KCNK9: variants seen among roughly 807,000 people sequenced by gnomAD.
KCNK9 encodes the protein potassium two pore domain channel subfamily K member 9.
A neutral mutation model predicts 10.8 loss-of-function variants in KCNK9; 1 was observed. That is an observed-to-expected ratio of 0.09 (90% CI 0.03 to 0.44). The LOEUF (loss-of-function observed/expected upper bound fraction) is 0.44, where lower values mean the gene tolerates loss of function less well. Ranked by LOEUF, KCNK9 falls within the 20% of genes least tolerant of loss-of-function variation. The pLI is 0.97. For missense variants in KCNK9, 303 were observed against 515.0 expected (o/e 0.59, Z 3.98); for synonymous variants, 231 against 222.7 (o/e 1.04, Z -0.33).
intron 1 of KCNK9, among the ~76,000 whole-genome samples, chr8:139,662,709 C>CA (rs1816189448): frequency 6.6e-6 from 1 of 152,022 alleles, no homozygotes; most frequent in Admixed American, 6.6e-5. Flanking sequence ...ATTTTCAACC[C>CA]AACTCCATAT....
At chr8:139,634,965 G>A (rs922350526) in intron 1 of KCNK9, among the ~76,000 whole-genome samples, 7 of 152,274 alleles carry the variant, frequency 4.6e-5, no homozygotes, top group Middle Eastern at 3.4e-3. Flanking sequence ...GCTGTGGTGC[G>A]AGGCGTCTAG....
chr8:139,650,724 C>T (rs1815837315), intron 1 of KCNK9, among the ~76,000 whole-genome samples: 1 of 152,158 alleles, frequency 6.6e-6, no homozygotes, highest in Non-Finnish European at 1.5e-5. Flanking sequence ...ACCACACACC[C>T]CTGAGAAATG....
intron 1 of KCNK9, among the ~76,000 whole-genome samples, chr8:139,678,710 T>C (rs902859821): frequency 2.0e-5 from 3 of 152,234 alleles, no homozygotes; most frequent in Admixed American, 6.5e-5. Flanking sequence ...TGGGCTTGGG[T>C]GGGCTGTTCT....
intron 1 of KCNK9, among the ~76,000 whole-genome samples, chr8:139,622,266 C>T (rs974658508): frequency 6.6e-6 from 1 of 152,196 alleles, no homozygotes; most frequent in Non-Finnish European, 1.5e-5. Context: ...GTCTGGGGAA[C>T]AGGACCATTC....
At chr8:139,649,572 C>CG (rs1219215469) in intron 1 of KCNK9, among the ~76,000 whole-genome samples, 1 of 152,154 alleles carries the variant, frequency 6.6e-6, no homozygotes, top group Non-Finnish European at 1.5e-5. Flanking sequence ...TTTCCATGCC[C>CG]GGTCTACTCC....
intron 1 of KCNK9, among the ~76,000 whole-genome samples, chr8:139,619,833 T>C (rs775981144): frequency 9.2e-5 from 14 of 152,212 alleles, no homozygotes; most frequent in Non-Finnish European, 1.8e-4. Context: ...CTTTTAAAAA[T>C]GTTTTGTTCG....
chr8:139,635,752 C>T (rs1815317752), intron 1 of KCNK9, among the ~76,000 whole-genome samples: 1 of 152,126 alleles, frequency 6.6e-6, no homozygotes, highest in Non-Finnish European at 1.5e-5. Context: ...AAAAAAATCA[C>T]CCACAACCCC....
In KCNK9 at chr8:139,644,520, G is replaced by A. The variant is rs184803912; in HGVS notation, c.284-25421C>T. On this transcript the variant is annotated intron_variant, in intron 1 of 1. Transcript: ENST00000520439. ...GGTGGGCTCCCGCTGCATAGGCTGG[G>A]AACACTGAGTGGGTTCTGAGGCTCA... 1.6e-3 allele frequency among the ~76,000 whole-genome samples: 240 copies of A among 152,320 alleles called. 1 individual carries two copies. Among genetic ancestry groups the A allele is most frequent in the Non-Finnish European group, 1.8e-3 (124 of 68,028 alleles).
downstream of KCNK9, among the ~76,000 whole-genome samples, chr8:139,614,360 G>A (rs574778366): frequency 1.4e-4 from 21 of 152,190 alleles, no homozygotes; most frequent in Non-Finnish European, 8.8e-5. Flanking sequence ...GTGGACAGTG[G>A]TCTAAGTCCA....
At chr8:139,665,956 T>TCAA (rs1471114874) in intron 1 of KCNK9, among the ~76,000 whole-genome samples, 1 of 152,076 alleles carries the variant, frequency 6.6e-6, no homozygotes, top group Non-Finnish European at 1.5e-5. Flanking sequence ...GTTAAATGCA[T>TCAA]CAACACCCGC....
chr8:139,632,413 G>A (rs1815201764), intron 1 of KCNK9, among the ~76,000 whole-genome samples: 1 of 152,226 alleles, frequency 6.6e-6, no homozygotes, highest in Non-Finnish European at 1.5e-5. Context: ...CTCCCGCGTG[G>A]AAGGATGCTC....
chr8:139,697,527 C>T (rs774952872), intron 1 of KCNK9, among the ~76,000 whole-genome samples: 26 of 151,898 alleles, frequency 1.7e-4, no homozygotes, highest in Admixed American at 3.3e-4. Flanking sequence ...GCATGGAGGA[C>T]TAAGTGAGTA....
At chr8:139,687,808 C>T (rs751110785) in intron 1 of KCNK9, among the ~76,000 whole-genome samples, 4 of 151,046 alleles carry the variant, frequency 2.6e-5, no homozygotes, top group South Asian at 4.2e-4. Flanking sequence ...TTATCTAAAC[C>T]CCCATCCACT....
chr8:139,692,914 C>T (rs1304857128), intron 1 of KCNK9, among the ~76,000 whole-genome samples: 6 of 152,170 alleles, frequency 3.9e-5, no homozygotes, highest in South Asian at 2.1e-4. Context: ...ATGTGGGAAC[C>T]AAGTGTCCAC....
chr8:139,664,576 G>A (rs1816250393), intron 1 of KCNK9, among the ~76,000 whole-genome samples: 1 of 152,086 alleles, frequency 6.6e-6, no homozygotes, highest in Non-Finnish European at 1.5e-5. Context: ...TAGCCACCAG[G>A]AGCTGGCAGC....
intron 1 of KCNK9, among the ~76,000 whole-genome samples, chr8:139,683,230 AGAC>A (rs1188192348): frequency 6.6e-6 from 1 of 152,184 alleles, no homozygotes; most frequent in East Asian, 1.9e-4. Flanking sequence ...CTCCCCTGCC[AGAC>A]GAGGGTGAAG....
chr8:139,697,136 G>A (rs1373257961), intron 1 of KCNK9, among the ~76,000 whole-genome samples: 3 of 150,780 alleles, frequency 2.0e-5, no homozygotes, highest in East Asian at 2.0e-4. Flanking sequence ...ATAAATAGTG[G>A]ATGAATGGTG....
In KCNK9 at chr8:139,702,874, T is replaced by G; in HGVS notation, c.119A>C (p.Lys40Thr). Residue 40 changes from lysine (K) to threonine (T), a missense_variant, in exon 1 of 2, where the codon AAA becomes ACA. Transcript: ENST00000520439. The surrounding 1 kb of genome is among the most constrained non-coding windows in gnomAD (Gnocchi z 7.5). ...GATCCGGATCTCCTCGGCTTTGAGT[T>G]TCTCCTCCTCGCGCATCTCGTGGTC... The part of the protein sequence containing the change: ...ESDHEMREEE[K>T]LKAEEIRIKG... 2 of 1,613,794 alleles carry G rather than the reference T, an allele frequency of 1.2e-6. No homozygotes were observed. The highest frequency in any genetic ancestry group is 1.7e-6 in the Non-Finnish European group (2 of 1,179,928).
At position 139,700,520 on chromosome 8, in the gene KCNK9, GCACACACA is replaced by G. The variant is rs765602878; in HGVS notation, c.283+2182_283+2189del. Among the ~76,000 whole-genome samples, 8 of 141,410 alleles carry G rather than the reference GCACACACA, an allele frequency of 5.7e-5. No individual in the cohort carries two copies. In the South Asian group the frequency reaches 1.8e-3, roughly 32 times the overall value. 92.8% of individuals were successfully genotyped at this position (141,410 alleles called of 152,430 possible). On this transcript the variant is annotated intron_variant, in intron 1 of 1. Transcript: ENST00000520439. Reference sequence around the variant, plus strand: ...CACACACACACACACGCGCGCGCGCGCACACACACACACACACACGCGCGCACACACAC... The same window carrying G: ...CACACACACACACACGCGCGCGCGCGCACACACACACGCGCGCACACACAC...
Sources: gnomAD v4.1 joint callset for allele counts (sites outside exome capture counted in the v4.1 genomes callset) on GRCh38, gnomAD v4.1.1 for gene constraint, Gnocchi (gnomAD v3.1) non-coding constraint, MANE v1.5 for transcripts, NCBI Gene and HGNC (gene_info 2026-07-23, HGNC 2026-07-21) for gene names.